TRPM2: variants seen among roughly 807,000 people sequenced by gnomAD.
TRPM2 encodes transient receptor potential cation channel subfamily M member 2, also known as estrogen-responsive element-associated gene 1 protein.
TRPM2 carries 161 observed loss-of-function variants against 174.0 expected under a neutral mutation model. The observed-to-expected ratio is 0.93, with a 90% CI of 0.81 to 1.05. The LOEUF (loss-of-function observed/expected upper bound fraction) is 1.05. Ranked by LOEUF, TRPM2 falls within the 50% of genes least tolerant of loss-of-function variation. The pLI, the probability that TRPM2 is intolerant of heterozygous loss-of-function variation, is 0.00. For missense variants in TRPM2, 2,057 were observed against 2,038.0 expected (o/e 1.01, Z -0.18); for synonymous variants, 954 against 861.3 (o/e 1.11, Z -1.88).
chr21:44,380,562 G>A (rs1409853978), intron 8 of TRPM2, among the ~76,000 whole-genome samples: 4 of 152,220 alleles, frequency 2.6e-5, no homozygotes, highest in Non-Finnish European at 5.9e-5. Flanking sequence ...ACACACAGCC[G>A]TCAGGCCTCA....
At chr21:44,351,676 G>A (rs2122997339), upstream of TRPM2, among the ~76,000 whole-genome samples, 79 of 152,294 alleles carry the variant, frequency 5.2e-4, 1 homozygote, top group Middle Eastern at 3.4e-3. Context: ...GGGTTTTCAG[G>A]GTTCTGCACC....
chr21:44,374,811 C>T (rs942549276), intron 5 of TRPM2, among the ~76,000 whole-genome samples: 2 of 152,180 alleles, frequency 1.3e-5, no homozygotes, highest in Non-Finnish European at 2.9e-5. Context: ...CAGCCCAGAT[C>T]CTCACAGGCC....
chr21:44,441,999 G>A lies in TRPM2; in HGVS notation c.*182G>A. On this transcript the variant is annotated 3_prime_UTR_variant, in exon 32 of 32. Coordinates refer to ENST00000397928, the MANE Select transcript of TRPM2 (RefSeq NM_003307.4). ...CTGCAGATGACCTCATGAACTGGAAGGGGTCAAGGTGACCCGGGAGGAGAG... is the reference window on the plus strand; with the variant it reads ...CTGCAGATGACCTCATGAACTGGAAAGGGTCAAGGTGACCCGGGAGGAGAG... 3.2e-6 allele frequency: 3 copies of A among 930,944 alleles called. No individual in the cohort carries two copies. The highest frequency in any genetic ancestry group is 4.4e-6 in the Non-Finnish European group (3 of 681,208). 57.7% of individuals were successfully genotyped at this position (930,944 alleles called of 1,614,324 possible).
intron 19 of TRPM2, among the ~76,000 whole-genome samples, chr21:44,411,509 C>T (rs770194336): frequency 2.6e-5 from 4 of 152,106 alleles, no homozygotes; most frequent in African/African-American, 7.2e-5. Context: ...TTGTCATATA[C>T]GAGACCATGT....
Position 44,406,671 on chromosome 21 carries a change from C to CA in TRPM2, c.2869dup (p.Ile957AsnfsTer51). On this transcript the variant is annotated frameshift_variant, in exon 19 of 32. Transcript: ENST00000397928. LOFTEE classifies it high-confidence loss of function. ...TCGGGGTGGCCAAGCAGGCCATCCT[C>CA]ATCCACAACGAGCGCCGGGTGGACT... The CA allele has an allele frequency of 6.2e-7, 1 of 1,610,806 alleles. No individual in the cohort carries two copies. The highest frequency in any genetic ancestry group is 1.7e-5 in the Admixed American group (1 of 59,724).
Position 44,388,650 on chromosome 21 carries a change from C to CAAAAAAAAAAAAA in TRPM2, c.1319-2245_1319-2233dup, listed in dbSNP as rs60322957. On this transcript the variant is annotated intron_variant, in intron 9 of 31. Coordinates refer to ENST00000397928, the MANE Select transcript of TRPM2 (RefSeq NM_003307.4). The stretch of plus-strand genomic sequence containing the variant: ...GGCAACATGGAGAACCCTGTCACTA[C>CAAAAAAAAAAAAA]AAAAAAAAAAAAAAAAAAAAACTAG... 2.4e-5 allele frequency among the ~76,000 whole-genome samples: 2 copies of CAAAAAAAAAAAAA among 83,006 alleles called. 1 individual carries two copies. The highest frequency in any genetic ancestry group is 5.2e-5 in the Non-Finnish European group (2 of 38,492). The allele number at this position is 83,006 out of a possible 152,430, so 54.5% of individuals were successfully genotyped here.
intron 14 of TRPM2, 54 bp from the exon 15 acceptor site, chr21:44,400,205 C>A: frequency 6.7e-7 from 1 of 1,498,592 alleles, no homozygotes; most frequent in Non-Finnish European, 9.2e-7. Context: ...CTGACGGGCA[C>A]CATCTGGGGC....
At chr21:44,400,857 C>T (rs2049594296) in intron 15 of TRPM2, among the ~76,000 whole-genome samples, 1 of 152,208 alleles carries the variant, frequency 6.6e-6, no homozygotes, top group South Asian at 2.1e-4. Flanking sequence ...CCTGGTGTCC[C>T]CACCTGCACC....
At position 44,366,324 on chromosome 21, in the gene TRPM2, G is replaced by A. The variant is rs955317101; in HGVS notation, c.424-430G>A. Among the ~76,000 whole-genome samples the A allele has an allele frequency of 4.6e-5, 7 of 151,014 alleles. No homozygotes were observed. The highest frequency in any genetic ancestry group is 1.5e-4 in the African/African-American group (6 of 40,608). Reference sequence around the variant, plus strand: ...GACAGGAGAGGGGACAGGAGAGGGGGCAGTGCTGGGTGCACAAGGACAGAA... The same window carrying A: ...GACAGGAGAGGGGACAGGAGAGGGGACAGTGCTGGGTGCACAAGGACAGAA... On this transcript the variant is annotated intron_variant, in intron 3 of 31. Transcript: ENST00000397928. The surrounding 1 kb of genome is among the most constrained non-coding windows in gnomAD (Gnocchi z 6.0).
chr21:44,407,709 C>G (rs550784054), intron 19 of TRPM2, among the ~76,000 whole-genome samples: 11 of 151,760 alleles, frequency 7.2e-5, no homozygotes, highest in African/African-American at 2.4e-4. Context: ...TCTTTGGTGT[C>G]TGACTTCTTT....
intron 13 of TRPM2, 142 bp downstream of exon 13, chr21:44,398,018 G>C: frequency 9.3e-7 from 1 of 1,080,576 alleles, no homozygotes; most frequent in Non-Finnish European, 1.2e-6. Context: ...CGCTTACCCT[G>C]GGGTCCTCAT....
Position 44,379,095 on chromosome 21 carries a change from C to G in TRPM2, c.1113C>G (p.Val371=). The part of the protein sequence containing the change: ...DVIAQVANLP[V]SDITISLIQQ... Reference sequence around the variant, plus strand: ...TTGCCCAGGTGGCCAACCTGCCTGTCTCGGACATCACTATCTCCCTGATCC... The same window carrying G: ...TTGCCCAGGTGGCCAACCTGCCTGTGTCGGACATCACTATCTCCCTGATCC... The change falls in exon 8 of 32, where the codon GTC becomes GTG. Residue 371 remains valine (V), a synonymous_variant. Coordinates refer to ENST00000397928, the MANE Select transcript of TRPM2 (RefSeq NM_003307.4). The G allele has an allele frequency of 6.2e-7, 1 of 1,613,446 alleles. No homozygotes were observed.
Position 44,439,250 on chromosome 21 carries a change from C to T in TRPM2, c.4269+82C>T, listed in dbSNP as rs2051398573. 3.8e-6 allele frequency: 5 copies of T among 1,309,990 alleles called. No individual in the cohort carries two copies. The Admixed American group carries it at 8.9e-5, about 23-fold the overall frequency. 81.1% of individuals were successfully genotyped at this position (1,309,990 alleles called of 1,614,324 possible). On this transcript the variant is annotated intron_variant, in intron 30 of 31. Transcript: ENST00000397928. The surrounding 1 kb of genome is among the most constrained non-coding windows in gnomAD (Gnocchi z 5.1). ...ACACAGTGTGATACTGGGGACCTGC[C>T]CCAGCACCACTGGGTGGCAGCGGTC...
At chr21:44,395,386 G>A in intron 11 of TRPM2, 28 bp from the exon 12 acceptor site, 1 of 1,609,948 alleles carries the variant, frequency 6.2e-7, no homozygotes, top group Non-Finnish European at 8.5e-7. Context: ...CGGCCCGGCT[G>A]GGGCTCTGAC....
chr21:44,356,129 G>A (rs1449127569), intron 2 of TRPM2, among the ~76,000 whole-genome samples: 1 of 124,808 alleles, frequency 8.0e-6, no homozygotes, highest in Non-Finnish European at 1.7e-5. Context: ...TGATCCACCC[G>A]CCTCGGCCTC....
At chr21:44,353,907 C>A (rs45559540) in intron 1 of TRPM2, 42 bp downstream of exon 1, 33 of 1,579,518 alleles carry the variant, frequency 2.1e-5, no homozygotes, top group South Asian at 3.5e-5. Context: ...CACGTGGCCA[C>A]GGAGGTCACC....
chr21:44,396,024 GTGTGGAGGGCTGTGGAGGC>G (rs1373631742), intron 12 of TRPM2, among the ~76,000 whole-genome samples: 1 of 49,412 alleles, frequency 2.0e-5, no homozygotes. Flanking sequence ...CTCTGGAGGG[GTGTGGAGGGCTGTGGAGGC>G]TGTGGAGGGG....
intron 7 of TRPM2, among the ~76,000 whole-genome samples, chr21:44,378,379 C>A (rs1270153526): frequency 1.3e-5 from 2 of 152,186 alleles, no homozygotes; most frequent in African/African-American, 4.8e-5. Flanking sequence ...GGATCACAGG[C>A]AATGTCCCGT....
rs560050263 is a variant in TRPM2 at position 44,391,369 on chromosome 21, T to C, written c.1538T>C (p.Phe513Ser). 9.5e-5 allele frequency: 154 copies of C among 1,614,166 alleles called. No individual in the cohort carries two copies. Among genetic ancestry groups the C allele is most frequent in the East Asian group, 2.2e-5 (1 of 44,888 alleles). ...FLENGVQLKEFVTWDTLLYLY... is the reference protein window; with the variant it reads ...FLENGVQLKESVTWDTLLYLY... ...GAGAACGGGGTGCAGCTGAAGGAGT[T>C]TGTCACCTGGGACACCTTGCTCTAC... is the stretch of plus-strand genomic sequence containing the variant. Residue 513 changes from phenylalanine to serine, a missense_variant, in exon 11 of 32, where the codon TTT becomes TCT. Coordinates refer to ENST00000397928, the MANE Select transcript of TRPM2 (RefSeq NM_003307.4). This position sits in a 1 kb window ranked among gnomAD's most constrained non-coding sequence, Gnocchi z 5.0.
Sources: allele counts gnomAD v4.1 joint callset (sites outside exome capture counted in the v4.1 genomes callset), GRCh38; gene constraint gnomAD v4.1.1; non-coding constraint Gnocchi (gnomAD v3.1); transcripts MANE v1.5; gene names NCBI Gene and HGNC (gene_info 2026-07-23, HGNC 2026-07-21).